Variants in SCAMP1 observed in about 807,000 individuals in gnomAD.
The protein encoded by SCAMP1 is secretory carrier-associated membrane protein 1.
In SCAMP1, 15 loss-of-function variants were observed where a neutral mutation model predicts 41.8. That is an observed-to-expected ratio of 0.36 (90% CI 0.24 to 0.55). The LOEUF is 0.55. Among genes scored for constraint, SCAMP1 ranks in the 20% least tolerant of loss-of-function variants. The probability of loss-of-function intolerance (pLI) is 0.86; values close to 1 mark genes in which losing one functional copy is unlikely to be tolerated. For missense variants in SCAMP1, 341 were observed against 412.6 expected (o/e 0.83, Z 1.50); for synonymous variants, 135 against 136.8 (o/e 0.99, Z 0.09).
Position 78,477,567 on chromosome 5 carries a change from A to G in SCAMP1, c.*1899A>G, listed in dbSNP as rs1754034350. 6.6e-6 allele frequency: 1 copy of G among 152,154 alleles called. No homozygotes were observed. Among genetic ancestry groups the G allele is most frequent in the South Asian group, 2.1e-4 (1 of 4,824 alleles). The allele number at this position is 152,154 out of a possible 1,614,324, so 9.4% of individuals were successfully genotyped here. The stretch of plus-strand genomic sequence containing the variant: ...ATCCCAAGTCCATTTTTTCCTGTAC[A>G]CTACAAACAAAAGATATATTAGAGA... On this transcript the variant is annotated 3_prime_UTR_variant, in exon 9 of 9. Coordinates refer to ENST00000621999, the MANE Select transcript of SCAMP1 (RefSeq NM_004866.6).
At chr5:78,386,253 G>T (rs369444591) in intron 1 of SCAMP1, among the ~76,000 whole-genome samples, 2 of 151,908 alleles carry the variant, frequency 1.3e-5, no homozygotes, top group African/African-American at 4.8e-5. Flanking sequence ...AGTTTGTTTT[G>T]TCTGATATAA....
At chr5:78,422,785 A>G (rs1330446328) in intron 6 of SCAMP1, among the ~76,000 whole-genome samples, 2 of 152,190 alleles carry the variant, frequency 1.3e-5, no homozygotes, top group South Asian at 2.1e-4. Flanking sequence ...ATAGTCCTAT[A>G]TGGGTTCATA....
chr5:78,360,927 C>A, intron 1 of SCAMP1, 199 bp downstream of exon 1: 1 of 580,992 alleles, frequency 1.7e-6, no homozygotes, highest in South Asian at 2.0e-5. Flanking sequence ...GGGGGTGGAA[C>A]CTCCTCAGCT....
At chr5:78,467,910 T>C (rs1753785542) in intron 8 of SCAMP1, among the ~76,000 whole-genome samples, 1 of 152,206 alleles carries the variant, frequency 6.6e-6, no homozygotes, top group Admixed American at 6.5e-5. Flanking sequence ...AAAAATCCTT[T>C]GCAGGTATGT....
At chr5:78,452,993 G>A (rs1177790675) in intron 7 of SCAMP1, among the ~76,000 whole-genome samples, 2 of 147,922 alleles carry the variant, frequency 1.4e-5, no homozygotes, top group South Asian at 2.2e-4. Flanking sequence ...CTTTTGAGAA[G>A]TGTCTGTTCA....
At chr5:78,400,803 CTTAT>C (rs1414557599) in intron 2 of SCAMP1, among the ~76,000 whole-genome samples, 3 of 152,060 alleles carry the variant, frequency 2.0e-5, no homozygotes, top group African/African-American at 7.2e-5. Context: ...CAAAGACAGT[CTTAT>C]TTGTTTCTTC....
At chr5:78,401,602 C>G (rs1272676300) in intron 2 of SCAMP1, among the ~76,000 whole-genome samples, 1 of 152,092 alleles carries the variant, frequency 6.6e-6, no homozygotes, top group Non-Finnish European at 1.5e-5. Context: ...TGTAGGTTAT[C>G]AGATTTGTGG....
Position 78,415,513 on chromosome 5 carries a change from C to T in SCAMP1, c.136-7C>T. ...TTACATAATTTTCCTTCTCTTAATC[C>T]TCCTAGCCTCCACCAGGCGGTGTGA... On this transcript the variant is annotated splice_region_variant and splice_polypyrimidine_tract_variant and intron_variant, in intron 2 of 8. Coordinates refer to ENST00000621999, the MANE Select transcript of SCAMP1 (RefSeq NM_004866.6). 6.4e-7 allele frequency: 1 copy of T among 1,572,692 alleles called. No homozygotes were observed. The highest frequency in any genetic ancestry group is 8.7e-7 in the Non-Finnish European group (1 of 1,150,638).
chr5:78,430,612 A>G (rs975759127), intron 6 of SCAMP1, among the ~76,000 whole-genome samples: 2 of 151,962 alleles, frequency 1.3e-5, no homozygotes, highest in East Asian at 3.9e-4. Flanking sequence ...ACGTTTATAT[A>G]TAAATATATA....
At chr5:78,419,495 C>T (rs1464031651) in intron 5 of SCAMP1, among the ~76,000 whole-genome samples, 3 of 152,132 alleles carry the variant, frequency 2.0e-5, no homozygotes, top group African/African-American at 7.2e-5. Flanking sequence ...AGTATAATAA[C>T]TCATGGAATA....
chr5:78,471,400 A>G (rs1297398218), intron 8 of SCAMP1, among the ~76,000 whole-genome samples: 1 of 152,184 alleles, frequency 6.6e-6, no homozygotes, highest in African/African-American at 2.4e-5. Flanking sequence ...CAGAAATTTC[A>G]AACTGAAAAT....
At chr5:78,422,570 GA>G (rs76614490) in intron 6 of SCAMP1, among the ~76,000 whole-genome samples, 8,185 of 151,810 alleles carry the variant, frequency 0.054, 424 homozygotes, top group East Asian at 0.3. Context: ...TGCTGGGGGA[GA>G]AAAAAAGAGC....
intron 2 of SCAMP1, among the ~76,000 whole-genome samples, chr5:78,391,993 C>G (rs961716896): frequency 6.7e-6 from 1 of 148,518 alleles, no homozygotes; most frequent in African/African-American, 2.5e-5. Context: ...AGAGGGAGAC[C>G]GTGGAAAGAG....
intron 6 of SCAMP1, among the ~76,000 whole-genome samples, chr5:78,445,305 C>G (rs139875478): frequency 1.3e-5 from 2 of 152,282 alleles, no homozygotes; most frequent in Non-Finnish European, 2.9e-5. Context: ...ATTCAGTTTT[C>G]CAGTAGGCTT....
chr5:78,434,823 T>C (rs1003081722), intron 6 of SCAMP1, among the ~76,000 whole-genome samples: 1 of 152,198 alleles, frequency 6.6e-6, no homozygotes, highest in African/African-American at 2.4e-5. Context: ...CTGTTACTGT[T>C]ACAGTATTTG....
intron 2 of SCAMP1, among the ~76,000 whole-genome samples, chr5:78,395,830 G>A (rs576138684): frequency 8.5e-5 from 13 of 152,180 alleles, no homozygotes; most frequent in Non-Finnish European, 1.9e-4. Flanking sequence ...TGCGAAGAGG[G>A]AGTTTATATA....
At chr5:78,442,880 T>TA (rs1319185042) in intron 6 of SCAMP1, among the ~76,000 whole-genome samples, 1 of 152,144 alleles carries the variant, frequency 6.6e-6, no homozygotes, top group Non-Finnish European at 1.5e-5. Flanking sequence ...ATTGAAATAT[T>TA]ATCTTAGAGG....
At chr5:78,456,478 A>G (rs1205378241) in intron 7 of SCAMP1, among the ~76,000 whole-genome samples, 1 of 151,902 alleles carries the variant, frequency 6.6e-6, no homozygotes. Context: ...TTCTGGGTTG[A>G]AAATTCTTTT....
intron 8 of SCAMP1, among the ~76,000 whole-genome samples, chr5:78,471,592 C>T (rs1753884378): frequency 6.6e-6 from 1 of 152,024 alleles, no homozygotes; most frequent in Admixed American, 6.6e-5. Context: ...TTAATGAAGA[C>T]ATATGTTTGG....
Sources: allele counts gnomAD v4.1 joint callset (sites outside exome capture counted in the v4.1 genomes callset), GRCh38; gene constraint gnomAD v4.1.1; transcripts MANE v1.5; gene names NCBI Gene and HGNC (gene_info 2026-07-23, HGNC 2026-07-21).